LTAP1: variants seen among roughly 807,000 people sequenced by gnomAD.
LTAP1 encodes lipid transport auxiliary protein 1, also known as HCV NS5A-transactivated protein 4.
At chr1:154,220,317 G>C in the LTAP1 span, 1 of 1,613,676 alleles carries the variant, frequency 6.2e-7, no homozygotes, top group Non-Finnish European at 8.5e-7. Flanking sequence ...GCGACAGCAG[G>C]AATGGGGTGG....
chr1:154,211,442 T>C, the LTAP1 span, among the ~76,000 whole-genome samples: 1 of 140,102 alleles, frequency 7.1e-6, no homozygotes, highest in African/African-American at 2.7e-5. Flanking sequence ...GGTCAAGCGA[T>C]TCTCCTGCCT....
the LTAP1 span, among the ~76,000 whole-genome samples, chr1:154,217,460 T>C: frequency 6.6e-6 from 1 of 152,198 alleles, no homozygotes; most frequent in Non-Finnish European, 1.5e-5. Context: ...TTCTAGAATT[T>C]CATATAAATG....
chr1:154,209,395 A>G, the LTAP1 span, among the ~76,000 whole-genome samples: 2 of 142,238 alleles, frequency 1.4e-5, no homozygotes, highest in Admixed American at 1.4e-4. Flanking sequence ...GCCTTTCTAC[A>G]TGTTCATTTT....
the LTAP1 span, chr1:154,214,580 C>G: frequency 6.3e-7 from 1 of 1,579,600 alleles, no homozygotes; most frequent in Non-Finnish European, 8.7e-7. Flanking sequence ...AAGTCCTGTT[C>G]ACATAAAAAA....
chr1:154,211,861 CTT>C, the LTAP1 span: 19 of 149,890 alleles, frequency 1.3e-4, no homozygotes, highest in South Asian at 5.6e-4. Flanking sequence ...TTCTTTTCTT[CTT>C]TTTTTTTTTT....
the LTAP1 span, chr1:154,207,704 G>A: frequency 7.1e-7 from 1 of 1,407,456 alleles, no homozygotes; most frequent in Non-Finnish European, 9.7e-7. Context: ...AAAGAAATCA[G>A]GGCTTATCCC....
At chr1:154,208,196 G>A in the LTAP1 span, among the ~76,000 whole-genome samples, 1 of 152,164 alleles carries the variant, frequency 6.6e-6, no homozygotes, top group East Asian at 1.9e-4. Context: ...GAGCCCAGGG[G>A]AGTTTGAGAC....
the LTAP1 span, among the ~76,000 whole-genome samples, chr1:154,209,294 C>G: frequency 1.3e-4 from 19 of 151,908 alleles, no homozygotes; most frequent in East Asian, 5.8e-4. Flanking sequence ...CTAGGTATCT[C>G]ATATAACTGG....
chr1:154,217,671 T>C, the LTAP1 span, among the ~76,000 whole-genome samples: 1 of 151,990 alleles, frequency 6.6e-6, no homozygotes, highest in South Asian at 2.1e-4. Context: ...TAGTTAGGAT[T>C]TTTTTCTTGT....
At chr1:154,212,771 C>T in the LTAP1 span, 5 of 772,760 alleles carry the variant, frequency 6.5e-6, 1 homozygote, top group South Asian at 8.7e-5. Flanking sequence ...GAGCAATTCT[C>T]TAGTCTCAGC....
At chr1:154,215,394 G>C in the LTAP1 span, among the ~76,000 whole-genome samples, 98 of 151,860 alleles carry the variant, frequency 6.5e-4, no homozygotes, top group African/African-American at 2.2e-3. Flanking sequence ...GTGAAACCCT[G>C]TCTCTACTAA....
chr1:154,218,939 T>C, the LTAP1 span, among the ~76,000 whole-genome samples: 1 of 152,192 alleles, frequency 6.6e-6, no homozygotes, highest in Admixed American at 6.5e-5. Flanking sequence ...GGAAGTAACA[T>C]TTAAGCTAAG....
chr1:154,209,650 G>A, the LTAP1 span, among the ~76,000 whole-genome samples: 3 of 151,616 alleles, frequency 2.0e-5, no homozygotes, highest in South Asian at 2.1e-4. Flanking sequence ...GCAGTGGCGC[G>A]ATCTTGGCTC....
the LTAP1 span, chr1:154,214,387 A>T: frequency 9.8e-7 from 1 of 1,016,864 alleles, no homozygotes; most frequent in Non-Finnish European, 1.5e-6. Flanking sequence ...GCTTTTGACA[A>T]CTCTGAGAGA....
At chr1:154,207,127 A>T in the LTAP1 span, 6 of 245,282 alleles carry the variant, frequency 2.4e-5, 1 homozygote, top group Non-Finnish European at 4.0e-5. Flanking sequence ...TAAACCTGGA[A>T]CAGGGAAGGT....
the LTAP1 span, among the ~76,000 whole-genome samples, chr1:154,218,563 G>T: frequency 6.6e-6 from 1 of 152,204 alleles, no homozygotes; most frequent in African/African-American, 2.4e-5. Flanking sequence ...ACTTGTTAAT[G>T]AAAGTACAGT....
chr1:154,219,690 C>A, the LTAP1 span: 1 of 637,050 alleles, frequency 1.6e-6, no homozygotes, highest in East Asian at 2.9e-5. Context: ...CCAAAGCGCA[C>A]AGTGCCTGCT....
chr1:154,208,097 C>CAAAA, the LTAP1 span, among the ~76,000 whole-genome samples: 1 of 134,944 alleles, frequency 7.4e-6, no homozygotes. Flanking sequence ...GACTCCATCT[C>CAAAA]AAAAAAAAAA....
At chr1:154,210,714 G>A in the LTAP1 span, among the ~76,000 whole-genome samples, 1 of 151,878 alleles carries the variant, frequency 6.6e-6, no homozygotes. Flanking sequence ...CCTGACCTTA[G>A]ATGATCCACC....
Sources: allele counts gnomAD v4.1 joint callset (sites outside exome capture counted in the v4.1 genomes callset), GRCh38; gene constraint gnomAD v4.1.1; transcripts MANE v1.5; gene names NCBI Gene and HGNC (gene_info 2026-07-23, HGNC 2026-07-21).